The following DYNLT2 variants were observed in gnomAD, a reference collection of about 807,000 sequenced individuals.
DYNLT2 encodes the protein dynein light chain Tctex-type protein 2.
Under a neutral mutation model 24.3 loss-of-function variants are expected in DYNLT2, and 24 were observed. The ratio of observed to expected loss-of-function variants is 0.99; its 90% CI spans 0.71 to 1.39. The LOEUF (loss-of-function observed/expected upper bound fraction) is 1.39, where lower values mean the gene tolerates loss of function less well. DYNLT2 is among the 40% of genes most tolerant of loss of function. The pLI, the probability that DYNLT2 is intolerant of heterozygous loss-of-function variation, is 0.00. For missense variants in DYNLT2, 246 were observed against 234.5 expected (o/e 1.05, Z -0.32); for synonymous variants, 85 against 85.4 (o/e 1.00, Z 0.03).
At chr6:169,741,910 A>G (rs1789687824) in intron 3 of DYNLT2, among the ~76,000 whole-genome samples, 1 of 151,978 alleles carries the variant, frequency 6.6e-6, no homozygotes, top group Non-Finnish European at 1.5e-5. Context: ...TCTCTTCTCC[A>G]TGGGAGCCAG....
At chr6:169,732,146 A>G in the DYNLT2 span, among the ~76,000 whole-genome samples, 2 of 152,148 alleles carry the variant, frequency 1.3e-5, no homozygotes, top group African/African-American at 4.8e-5. Context: ...GGCTACAACT[A>G]TCATGTATAT....
At chr6:169,725,199 C>T in the DYNLT2 span, 3 of 398,720 alleles carry the variant, frequency 7.5e-6, no homozygotes, top group Non-Finnish European at 1.3e-5. Context: ...GGCGGCCCGC[C>T]GTACAGCTGG....
Position 169,751,331 on chromosome 6 carries a change from G to GCACT in DYNLT2, c.120+4_120+7dup. 1 of 1,612,884 alleles carries GCACT rather than the reference G, an allele frequency of 6.2e-7. No individual in the cohort carries two copies. Among genetic ancestry groups the GCACT allele is most frequent in the Non-Finnish European group, 8.5e-7 (1 of 1,179,570 alleles). On this transcript the variant is annotated splice_region_variant and intron_variant, in intron 1 of 3. Transcript: ENST00000366774. ...CCGTCTCGGGCCCCTAGCAGTCTCC[G>GCACT]CACTCACTGCCTCCTTCTCGAACAT...
Position 169,745,105 on chromosome 6 carries a change from T to G in DYNLT2, c.121-831A>C, listed in dbSNP as rs551296898. On this transcript the variant is annotated intron_variant, in intron 1 of 3. Coordinates refer to ENST00000366774, the MANE Select transcript of DYNLT2 (RefSeq NM_174910.3). ...GCTGTGAAGTTTTTTTTGTTTGTTT[T>G]TTTTTTTGAGACAGTCTTGCTCAGT... Among the ~76,000 whole-genome samples the G allele has an allele frequency of 4.5e-3, 683 of 152,168 alleles. 7 individuals are homozygous for G. Among genetic ancestry groups the G allele is most frequent in the African/African-American group, 0.015 (635 of 41,526 alleles).
chr6:169,739,374 C>T (rs1013595199), downstream of DYNLT2, among the ~76,000 whole-genome samples: 4 of 151,970 alleles, frequency 2.6e-5, no homozygotes, highest in Non-Finnish European at 5.9e-5. Flanking sequence ...CATGATCTCA[C>T]GCTTCAGAAA....
chr6:169,751,033 C>A (rs143889619), intron 1 of DYNLT2: 2 of 311,064 alleles, frequency 6.4e-6, no homozygotes, highest in Admixed American at 4.6e-5. Context: ...ACTCAGAGTA[C>A]TCTCAGGAAA....
the DYNLT2 span, among the ~76,000 whole-genome samples, chr6:169,727,571 T>G: frequency 3.8e-5 from 4 of 104,772 alleles, no homozygotes; most frequent in Non-Finnish European, 7.5e-5. Context: ...TTTGTTTTTT[T>G]GTTTTTTTTT....
Position 169,740,296 on chromosome 6 carries a change from CTG to C in DYNLT2, c.487-3_487-2del, listed in dbSNP as rs753343367. On this transcript the variant is annotated splice_acceptor_variant and splice_polypyrimidine_tract_variant and intron_variant, in intron 3 of 3. Coordinates refer to ENST00000366774, the MANE Select transcript of DYNLT2 (RefSeq NM_174910.3). LOFTEE classifies it high-confidence loss of function. Reference sequence around the variant, plus strand: ...TGTCCCAGATCCATCTGCTGGCAATCTGTGAGAGAAATTTTGTAAAGACCAAC... The same window carrying C: ...TGTCCCAGATCCATCTGCTGGCAATCTGAGAGAAATTTTGTAAAGACCAAC... 9 of 1,607,880 alleles carry C rather than the reference CTG, an allele frequency of 5.6e-6. No individual in the cohort carries two copies. In the South Asian group the frequency reaches 8.8e-5, roughly 16 times the overall value.
At chr6:169,747,003 T>C (rs1789823018) in intron 1 of DYNLT2, among the ~76,000 whole-genome samples, 1 of 150,686 alleles carries the variant, frequency 6.6e-6, no homozygotes. Context: ...TTCAGTTTGT[T>C]CAGCTTTTTA....
chr6:169,739,797 A>C (rs1409268401), downstream of DYNLT2, among the ~76,000 whole-genome samples: 1 of 152,226 alleles, frequency 6.6e-6, no homozygotes, highest in Non-Finnish European at 1.5e-5. Context: ...AATTTCCAAA[A>C]TCTATCTTAA....
At chr6:169,747,717 TTAAC>T (rs1387439522) in intron 1 of DYNLT2, among the ~76,000 whole-genome samples, 1 of 152,110 alleles carries the variant, frequency 6.6e-6, no homozygotes, top group African/African-American at 2.4e-5. Flanking sequence ...AATAACTCTC[TTAAC>T]TACTTTAATG....
downstream of DYNLT2, among the ~76,000 whole-genome samples, chr6:169,737,936 G>T (rs1302768255): frequency 6.6e-6 from 1 of 152,224 alleles, no homozygotes; most frequent in Non-Finnish European, 1.5e-5. Flanking sequence ...GGTCCACAGA[G>T]ACTGCAGCCA....
intron 3 of DYNLT2, among the ~76,000 whole-genome samples, chr6:169,742,078 A>G (rs1186976575): frequency 6.6e-6 from 1 of 152,050 alleles, no homozygotes; most frequent in African/African-American, 2.4e-5. Flanking sequence ...CAACTCCCAC[A>G]TATTCCTTAC....
At chr6:169,733,168 G>A in the DYNLT2 span, among the ~76,000 whole-genome samples, 2 of 151,408 alleles carry the variant, frequency 1.3e-5, no homozygotes, top group African/African-American at 4.9e-5. Flanking sequence ...TAAGTACCTT[G>A]CAAATTATGG....
At chr6:169,749,152 T>C (rs562370774) in intron 1 of DYNLT2, among the ~76,000 whole-genome samples, 2 of 152,254 alleles carry the variant, frequency 1.3e-5, no homozygotes, top group Admixed American at 1.3e-4. Flanking sequence ...CAGGCTGGAG[T>C]GCAGTGGCAT....
the DYNLT2 span, among the ~76,000 whole-genome samples, chr6:169,731,567 C>T: frequency 6.6e-6 from 1 of 152,104 alleles, no homozygotes; most frequent in Non-Finnish European, 1.5e-5. Context: ...AGTCAGGGGA[C>T]TTGTCTGTTT....
chr6:169,738,287 C>G (rs937772826), downstream of DYNLT2, among the ~76,000 whole-genome samples: 3 of 152,240 alleles, frequency 2.0e-5, no homozygotes, highest in Admixed American at 2.0e-4. Context: ...GTTCAAATGG[C>G]TTAGACATCA....
intron 1 of DYNLT2, among the ~76,000 whole-genome samples, chr6:169,746,741 A>T (rs1459083017): frequency 6.6e-6 from 1 of 152,082 alleles, no homozygotes; most frequent in Non-Finnish European, 1.5e-5. Flanking sequence ...ACTGCTGTTA[A>T]CAAGGCCTCT....
chr6:169,728,419 G>A, the DYNLT2 span, among the ~76,000 whole-genome samples: 1 of 152,182 alleles, frequency 6.6e-6, no homozygotes, highest in South Asian at 2.1e-4. Flanking sequence ...TAATATTGGC[G>A]ACAGCAAAGT....
Sources: gnomAD v4.1 joint callset for allele counts (sites outside exome capture counted in the v4.1 genomes callset) on GRCh38, gnomAD v4.1.1 for gene constraint, MANE v1.5 for transcripts, NCBI Gene and HGNC (gene_info 2026-07-23, HGNC 2026-07-21) for gene names.